NEBL: variants seen among roughly 807,000 people sequenced by gnomAD.
The protein encoded by NEBL is nebulette.
NEBL carries 122 observed loss-of-function variants against 140.2 expected under a neutral mutation model. The ratio of observed to expected loss-of-function variants is 0.87; its 90% confidence interval spans 0.75 to 1.01. The LOEUF is 1.01. Among genes scored for constraint, NEBL ranks in the 50% least tolerant of loss-of-function variants. NEBL has a pLI of 0.00. For missense variants in NEBL, 1,365 were observed against 1,231.3 expected (o/e 1.11, Z -1.62); for synonymous variants, 436 against 398.9 (o/e 1.09, Z -1.11).
chr10:20,933,674 C>G (rs1834320383), intron 4 of NEBL, among the ~76,000 whole-genome samples: 1 of 152,148 alleles, frequency 6.6e-6, no homozygotes, highest in Admixed American at 6.5e-5. Context: ...GCAGAGGTTG[C>G]AGTGAGCCAA....
Position 21,253,540 on chromosome 10 carries a change from CTTT to C in NEBL, n.183-1715_183-1713del, listed in dbSNP as rs71509095. On this transcript the variant is annotated intron_variant and non_coding_transcript_variant, in intron 1 of 8. Transcript: ENST00000675702. Reference sequence around the variant, plus strand: ...GAAAACGTCATTACTTTTTAAACCTCTTTTTTTTTTTTTTTTTTTTGAGATGGA... The same window carrying C: ...GAAAACGTCATTACTTTTTAAACCTCTTTTTTTTTTTTTTTTTGAGATGGA... Among the ~76,000 whole-genome samples the C allele has an allele frequency of 4.9e-3, 546 of 110,688 alleles. 5 individuals are homozygous for C. The highest frequency in any genetic ancestry group is 0.018 in the African/African-American group (475 of 26,840). 72.6% of individuals were successfully genotyped at this position (110,688 alleles called of 152,430 possible).
At chr10:21,194,246 A>G (rs1199852925) in intron 3 of NEBL, among the ~76,000 whole-genome samples, 1 of 152,198 alleles carries the variant, frequency 6.6e-6, no homozygotes, top group East Asian at 1.9e-4. Context: ...TACTGGGATT[A>G]TAAGTGTGAG....
chr10:21,081,717 TATAAG>T (rs1035610552), intron 2 of NEBL, among the ~76,000 whole-genome samples: 4 of 151,866 alleles, frequency 2.6e-5, no homozygotes, highest in African/African-American at 9.7e-5. Context: ...GGAGGAAAAA[TATAAG>T]ATAAGTCTGG....
chr10:20,841,757 T>G (rs1357403100), intron 12 of NEBL, among the ~76,000 whole-genome samples: 1 of 152,132 alleles, frequency 6.6e-6, no homozygotes, highest in Non-Finnish European at 1.5e-5. Flanking sequence ...TATTGTCCAG[T>G]TGGAATTCAC....
At chr10:21,128,547 T>C (rs940422096) in intron 2 of NEBL, among the ~76,000 whole-genome samples, 1 of 152,064 alleles carries the variant, frequency 6.6e-6, no homozygotes, top group Non-Finnish European at 1.5e-5. Context: ...ACTAAGAATC[T>C]GTAAACATAC....
At chr10:20,815,904 GATTAC>G in intron 21 of NEBL, 187 bp from the exon 22 acceptor site, 1 of 586,048 alleles carries the variant, frequency 1.7e-6, no homozygotes, top group Non-Finnish European at 3.0e-6. Context: ...AGGTAGCTGG[GATTAC>G]AGGCACCTGC....
chr10:21,227,430 G>A (rs1291767907), intron 3 of NEBL, among the ~76,000 whole-genome samples: 1 of 152,178 alleles, frequency 6.6e-6, no homozygotes, highest in Non-Finnish European at 1.5e-5. Context: ...CTAATTTAAA[G>A]GAGGTGAACA....
intron 3 of NEBL, among the ~76,000 whole-genome samples, chr10:21,228,073 C>T (rs1006786477): frequency 8.6e-5 from 13 of 151,582 alleles, no homozygotes; most frequent in African/African-American, 2.7e-4. Context: ...TTCAACTTGG[C>T]TTACTTGAAG....
intron 2 of NEBL, among the ~76,000 whole-genome samples, chr10:21,137,941 G>C (rs1268702347): frequency 6.8e-6 from 1 of 146,198 alleles, no homozygotes; most frequent in African/African-American, 2.7e-5. Context: ...AAAAAGGAAA[G>C]GGAAGGGAAG....
At chr10:20,865,681 G>C (rs943348222) in intron 7 of NEBL, among the ~76,000 whole-genome samples, 1 of 152,134 alleles carries the variant, frequency 6.6e-6, no homozygotes, top group Non-Finnish European at 1.5e-5. Context: ...GTAGAGCTTA[G>C]AGTCACCGCC....
intron 3 of NEBL, among the ~76,000 whole-genome samples, chr10:21,192,408 G>T (rs931792086): frequency 1.3e-5 from 2 of 151,364 alleles, no homozygotes; most frequent in Non-Finnish European, 2.9e-5. Flanking sequence ...TAGCCAGGAT[G>T]GTCTCAATCT....
At chr10:20,957,929 C>T (rs1207096976) in intron 4 of NEBL, among the ~76,000 whole-genome samples, 1 of 152,222 alleles carries the variant, frequency 6.6e-6, no homozygotes, top group African/African-American at 2.4e-5. Context: ...CAGACTGTCT[C>T]AGCTAATTGA....
chr10:20,851,750 A>T (rs2131065707), intron 10 of NEBL, among the ~76,000 whole-genome samples: 1 of 152,224 alleles, frequency 6.6e-6, no homozygotes, highest in South Asian at 2.1e-4. Flanking sequence ...ACGCCATTGC[A>T]CTCCAGCCAG....
In NEBL at chr10:20,823,269, G is replaced by C. The variant is rs1314836730; in HGVS notation, c.1901C>G (p.Thr634Arg). Residue 634 changes from threonine to arginine, a missense_variant, in exon 19 of 28, where the codon ACA (threonine) becomes AGA (arginine). Thr to Arg is a moderately conservative substitution (Grantham distance 71). Transcript: ENST00000377122. ...VKYKEEIKHA[T>R]AISDPPELKR... Reference sequence around the variant, plus strand: ...TAGTTCTGGAGGATCAGAAATGGCTGTTGCATGTTTAATCTCTTCTTTGTA... The same window carrying C: ...TAGTTCTGGAGGATCAGAAATGGCTCTTGCATGTTTAATCTCTTCTTTGTA... 6.2e-7 allele frequency: 1 copy of C among 1,608,970 alleles called. No individual in the cohort carries two copies. Among genetic ancestry groups the C allele is most frequent in the Non-Finnish European group, 8.5e-7 (1 of 1,177,738 alleles).
chr10:21,089,993 G>A (rs187250571), intron 2 of NEBL, among the ~76,000 whole-genome samples: 13 of 152,154 alleles, frequency 8.5e-5, no homozygotes, highest in Admixed American at 3.9e-4. Flanking sequence ...ATGACTCCCC[G>A]GTTTGTATTT....
chr10:21,061,439 T>TATATATCGTATATTACATGATATATG (rs1835298679), intron 2 of NEBL, among the ~76,000 whole-genome samples: 1 of 147,042 alleles, frequency 6.8e-6, no homozygotes, highest in African/African-American at 2.5e-5. Flanking sequence ...TGGTGTATGA[T>TATATATCGTATATTACATGATATATG]ATATATCGTA....
intron 16 of NEBL, among the ~76,000 whole-genome samples, chr10:20,829,095 T>A (rs532268983): frequency 6.6e-6 from 1 of 152,072 alleles, no homozygotes; most frequent in Non-Finnish European, 1.5e-5. Flanking sequence ...ATACTATTAT[T>A]ATTTCCATCT....
At position 20,782,061 on chromosome 10, in the gene NEBL, T is replaced by C. The variant is rs1835070910; in HGVS notation, c.*3686A>G. 6.6e-6 allele frequency: 1 copy of C among 152,556 alleles called. No homozygotes were observed. The highest frequency in any genetic ancestry group is 2.1e-4 in the South Asian group (1 of 4,830). The allele number at this position is 152,556 out of a possible 1,614,324, so 9.5% of individuals were successfully genotyped here. On this transcript the variant is annotated 3_prime_UTR_variant, in exon 28 of 28. Transcript: ENST00000377122. ...TTTATATAGCTCAACTCTATATAAA[T>C]CCACAAAGAACCTTTCAGAAATAGA...
At chr10:21,004,854 G>C (rs952257451) in intron 3 of NEBL, among the ~76,000 whole-genome samples, 5 of 152,216 alleles carry the variant, frequency 3.3e-5, no homozygotes, top group African/African-American at 4.8e-5. Context: ...AGGTAGGCAG[G>C]AAAAGACTAT....
Sources: gnomAD v4.1 joint callset for allele counts (sites outside exome capture counted in the v4.1 genomes callset) on GRCh38, gnomAD v4.1.1 for gene constraint, MANE v1.5 for transcripts, NCBI Gene and HGNC (gene_info 2026-07-23, HGNC 2026-07-21) for gene names.